The following IRAK2 variants were observed in gnomAD, a reference collection of about 807,000 sequenced individuals.
IRAK2 encodes the protein interleukin 1 receptor associated kinase 2.
IRAK2 carries 57 observed loss-of-function variants against 72.0 expected under a neutral mutation model. The observed-to-expected ratio is 0.79, with a 90% CI of 0.64 to 0.99. IRAK2 has a LOEUF of 0.99. Ranked by LOEUF, IRAK2 falls within the 50% of genes least tolerant of loss-of-function variation. IRAK2 has a pLI of 0.00. For missense variants in IRAK2, 790 were observed against 794.4 expected (o/e 0.99, Z 0.07); for synonymous variants, 293 against 312.7 (o/e 0.94, Z 0.67).
In IRAK2 at chr3:10,214,273, C is replaced by G. The variant is rs183530980; in HGVS notation, c.788+725C>G. 1.7e-3 allele frequency among the ~76,000 whole-genome samples: 252 copies of G among 151,804 alleles called. 5 individuals carry two copies. In the South Asian group the frequency reaches 0.042, roughly 25 times the overall value. Reference sequence around the variant, plus strand: ...CTAGGGTCTTGCTCTATTGCCCAGGCTGGAATGGCCTTGGAATGATTGTAG... The same window carrying G: ...CTAGGGTCTTGCTCTATTGCCCAGGGTGGAATGGCCTTGGAATGATTGTAG... On this transcript the variant is annotated intron_variant, in intron 6 of 12. Transcript: ENST00000256458.
chr3:10,200,189 AC>A (rs1697334243), intron 2 of IRAK2, among the ~76,000 whole-genome samples, 179 bp from the exon 3 acceptor site: 1 of 151,996 alleles, frequency 6.6e-6, no homozygotes, highest in South Asian at 2.1e-4. Context: ...CGCCTGGTCT[AC>A]CGCATTTTAC....
chr3:10,208,377 A>G (rs1233330327), intron 3 of IRAK2, among the ~76,000 whole-genome samples: 1 of 151,758 alleles, frequency 6.6e-6, no homozygotes, highest in Non-Finnish European at 1.5e-5. Context: ...TCATGGCTCA[A>G]TATAGCCTTG....
chr3:10,174,889 A>C (rs1349788332), intron 1 of IRAK2, among the ~76,000 whole-genome samples: 1 of 151,042 alleles, frequency 6.6e-6, no homozygotes, highest in African/African-American at 2.5e-5. Context: ...TACTGGTCAT[A>C]AAAATCCATT....
intron 7 of IRAK2, among the ~76,000 whole-genome samples, chr3:10,219,433 C>T (rs1413876990): frequency 6.6e-6 from 1 of 150,968 alleles, no homozygotes. Flanking sequence ...ATTCTCCTGC[C>T]TCAGCCTCCC....
intron 11 of IRAK2, among the ~76,000 whole-genome samples, chr3:10,236,341 GGTTTTTTTT>G (rs1332698963): frequency 1.6e-5 from 2 of 125,236 alleles, no homozygotes; most frequent in African/African-American, 3.1e-5. Flanking sequence ...GAGCCACTAA[GGTTTTTTTT>G]TTTTTTTTTT....
rs143780399 is a variant in IRAK2, at chr3:10,169,438, C to A, written c.94+4390C>A. 7.8e-4 allele frequency among the ~76,000 whole-genome samples: 119 copies of A among 152,256 alleles called. 1 individual carries two copies. Among genetic ancestry groups the A allele is most frequent in the African/African-American group, 2.8e-3 (116 of 41,536 alleles). ...CCCAGAGTGGCCATTTATAGACCTACCCCGGGAATGCGTTCCTTCCCCAGG... is the reference window on the plus strand; with the variant it reads ...CCCAGAGTGGCCATTTATAGACCTAACCCGGGAATGCGTTCCTTCCCCAGG... On this transcript the variant is annotated intron_variant, in intron 1 of 12. Coordinates refer to ENST00000256458, the MANE Select transcript of IRAK2 (RefSeq NM_001570.4).
chr3:10,238,821 C>T lies in IRAK2; in HGVS notation c.1547C>T (p.Ser516Phe), dbSNP rs1288264373. ...ACGTTGCTCCCTTGGAGTGGGCTTT[C>T]TGAGGGTACAGGCTCTTCTTCCAAC... ...RETLLPWSGLSEGTGSSSNTP... is the reference protein window; with the variant it reads ...RETLLPWSGLFEGTGSSSNTP... Residue 516 changes from serine to phenylalanine, a missense_variant, in exon 12 of 13, where the codon TCT becomes TTT. Ser to Phe is a radical substitution (Grantham distance 155). Coordinates refer to ENST00000256458, the MANE Select transcript of IRAK2 (RefSeq NM_001570.4). 2 of 1,613,888 alleles carry T rather than the reference C, an allele frequency of 1.2e-6. No individual in the cohort carries two copies. Among genetic ancestry groups the T allele is most frequent in the African/African-American group, 1.3e-5 (1 of 74,872 alleles).
intron 10 of IRAK2, among the ~76,000 whole-genome samples, chr3:10,232,459 G>C (rs1032424645): frequency 6.6e-6 from 1 of 152,160 alleles, no homozygotes; most frequent in Admixed American, 6.6e-5. Context: ...TGCTAAGACC[G>C]ATCAGTGTGT....
In IRAK2 at chr3:10,165,027, G is replaced by C. The variant is rs1207870487; in HGVS notation, c.73G>C (p.Glu25Gln). Residue 25 changes from glutamate to glutamine, a missense_variant, in exon 1 of 13, where the codon GAG (glutamate) becomes CAG (glutamine). By Grantham distance (29) the Glu-to-Gln change is conservative. Coordinates refer to ENST00000256458, the MANE Select transcript of IRAK2 (RefSeq NM_001570.4). ...DLCRNMDALS[E>Q]WDWMEFASYV... ...GTGCCGCAACATGGACGCGCTCAGC[G>C]AGTGGGACTGGATGGAGTTCGGTGA... The C allele has an allele frequency of 3.7e-6, 6 of 1,611,460 alleles. No homozygotes were observed. The African/African-American group carries it at 6.7e-5, about 18-fold the overall frequency.
At chr3:10,170,846 C>A (rs997218419) in intron 1 of IRAK2, among the ~76,000 whole-genome samples, 1 of 152,232 alleles carries the variant, frequency 6.6e-6, no homozygotes. Context: ...GCCCACTGCT[C>A]CTCGCCCAGT....
chr3:10,208,902 A>G lies in IRAK2; in HGVS notation c.425-687A>G, dbSNP rs1038487106. 5.4e-4 allele frequency among the ~76,000 whole-genome samples: 82 copies of G among 152,118 alleles called. 4 individuals are homozygous for G. Among genetic ancestry groups the G allele is most frequent in the Non-Finnish European group, 1.5e-5 (1 of 68,030 alleles). On this transcript the variant is annotated intron_variant, in intron 3 of 12. Transcript: ENST00000256458. ...GGTATTACAGATGTGAAGTATTTAGAACAGTGCCTGGCATGATGTTTGCTA... is the reference window on the plus strand; with the variant it reads ...GGTATTACAGATGTGAAGTATTTAGGACAGTGCCTGGCATGATGTTTGCTA...
chr3:10,234,949 C>T (rs1055387822), intron 11 of IRAK2, among the ~76,000 whole-genome samples: 1 of 152,228 alleles, frequency 6.6e-6, no homozygotes, highest in Non-Finnish European at 1.5e-5. Context: ...TAGGCCCCTT[C>T]CCCTTTCCTC....
At chr3:10,192,636 G>T (rs1697194868) in intron 2 of IRAK2, among the ~76,000 whole-genome samples, 1 of 152,222 alleles carries the variant, frequency 6.6e-6, no homozygotes, top group African/African-American at 2.4e-5. Context: ...AGGAAAAAAA[G>T]CCTGACCTAG....
intron 1 of IRAK2, among the ~76,000 whole-genome samples, chr3:10,171,286 C>A (rs936375830): frequency 5.3e-5 from 8 of 152,200 alleles, no homozygotes; most frequent in African/African-American, 1.9e-4. Context: ...TTGCCCTGCC[C>A]AGCTGTGTGA....
intron 8 of IRAK2, 78 bp from the exon 9 acceptor site, chr3:10,222,558 C>T: frequency 8.4e-7 from 1 of 1,196,110 alleles, no homozygotes; most frequent in Non-Finnish European, 1.2e-6. Flanking sequence ...GCTATATTGT[C>T]TCCCCAAAGG....
At chr3:10,166,892 C>T (rs1044385204) in intron 1 of IRAK2, among the ~76,000 whole-genome samples, 2 of 152,204 alleles carry the variant, frequency 1.3e-5, no homozygotes, top group Admixed American at 6.5e-5. Context: ...GATTTGGCCG[C>T]TTTGGCCTCC....
intron 3 of IRAK2, among the ~76,000 whole-genome samples, chr3:10,208,937 C>T (rs1026102845): frequency 6.6e-6 from 1 of 152,026 alleles, no homozygotes; most frequent in Admixed American, 6.6e-5. Flanking sequence ...AACTCATGTA[C>T]CTAGATGTTA....
At chr3:10,184,134 T>C (rs1488206205) in intron 2 of IRAK2, among the ~76,000 whole-genome samples, 1 of 152,182 alleles carries the variant, frequency 6.6e-6, no homozygotes, top group Admixed American at 6.6e-5. Flanking sequence ...AAAAGGTGGG[T>C]ACACTCCACT....
chr3:10,177,486 C>T (rs1696894204), intron 1 of IRAK2, among the ~76,000 whole-genome samples: 1 of 152,174 alleles, frequency 6.6e-6, no homozygotes, highest in South Asian at 2.1e-4. Context: ...GAGCTCCCTG[C>T]CTACACGGAC....
Sources: allele counts gnomAD v4.1 joint callset (sites outside exome capture counted in the v4.1 genomes callset), GRCh38; gene constraint gnomAD v4.1.1; transcripts MANE v1.5; gene names NCBI Gene and HGNC (gene_info 2026-07-23, HGNC 2026-07-21).